The following PAXIP1 variants were observed in gnomAD, a reference collection of about 807,000 sequenced individuals.
The protein encoded by PAXIP1 is PAX interacting protein 1.
Under a neutral mutation model 140.6 loss-of-function variants are expected in PAXIP1, and 19 were observed. The observed-to-expected ratio is 0.14, with a 90% CI of 0.09 to 0.20. The LOEUF (loss-of-function observed/expected upper bound fraction) is 0.20, where lower values mean the gene tolerates loss of function less well. PAXIP1 is among the 10% of genes least tolerant of loss of function. The pLI, the probability that PAXIP1 is intolerant of heterozygous loss-of-function variation, is 1.00. For missense variants in PAXIP1, 920 were observed against 1,208.6 expected (o/e 0.76, Z 3.54); for synonymous variants, 442 against 444.6 (o/e 0.99, Z 0.07).
At position 154,986,265 on chromosome 7, in the gene PAXIP1, T is replaced by C. The variant is rs1810065127; in HGVS notation, c.325-2933A>G. 1.1e-6 allele frequency: 1 copy of C among 934,238 alleles called. No individual in the cohort carries two copies. The highest frequency in any genetic ancestry group is 1.5e-6 in the Non-Finnish European group (1 of 688,720). 57.9% of individuals were successfully genotyped at this position (934,238 alleles called of 1,614,324 possible). ...TGGGGTCCTGCCTGGCGTGTGCATG[T>C]GAGTGTGTGTGCGCATGGGTGCTCC... On this transcript the variant is annotated intron_variant, in intron 4 of 20. Transcript: ENST00000404141. The surrounding 1 kb of genome is among the most constrained non-coding windows in gnomAD (Gnocchi z 4.8).
At position 154,973,696 on chromosome 7, in the gene PAXIP1, A is replaced by C. The variant is rs1325283982; in HGVS notation, c.1074+2000T>G. Reference sequence around the variant, plus strand: ...AGCATTTCTAAACACTACGTAAACCACTGCTATTATCATACCCAATAAAAT... The same window carrying C: ...AGCATTTCTAAACACTACGTAAACCCCTGCTATTATCATACCCAATAAAAT... On this transcript the variant is annotated intron_variant, in intron 6 of 20. Coordinates refer to ENST00000404141, the MANE Select transcript of PAXIP1 (RefSeq NM_007349.4). This position sits in a 1 kb window ranked among gnomAD's most constrained non-coding sequence, Gnocchi z 4.0. 6.6e-6 allele frequency among the ~76,000 whole-genome samples: 1 copy of C among 152,136 alleles called. No homozygotes were observed. Among genetic ancestry groups the C allele is most frequent in the Non-Finnish European group, 1.5e-5 (1 of 68,030 alleles).
rs1282457251 is a variant in PAXIP1, at chr7:154,991,019, G to A, written c.311C>T (p.Ala104Val). The A allele has an allele frequency of 3.9e-6, 6 of 1,550,840 alleles. No homozygotes were observed. The highest frequency in any genetic ancestry group is 4.4e-6 in the Non-Finnish European group (5 of 1,144,474). ...AACCATGCTTACCTGAGAAAGGCAG[G>A]CAGTGATTCCAAAAAAAATCTGACA... Reference protein sequence around the residue: ...ESCQIFFGITACLSQVSSEDR... With the variant: ...ESCQIFFGITVCLSQVSSEDR... The change falls in exon 4 of 21, where the codon GCC becomes GTC. Residue 104 changes from alanine to valine, a missense_variant. Around this residue, in one of 5 missense-constraint regions of PAXIP1, gnomAD observed 419 missense variants for 514.7 expected, o/e 0.81. Transcript: ENST00000404141.
chr7:154,961,189 G>C, intron 11 of PAXIP1, 112 bp from the exon 12 acceptor site: 1 of 860,448 alleles, frequency 1.2e-6, no homozygotes, highest in African/African-American at 1.7e-5. Context: ...TAATAGAAGT[G>C]GGAGGCATAT....
Position 154,997,358 on chromosome 7 carries a change from T to A in PAXIP1, c.216+1292A>T, listed in dbSNP as rs1488803262. 2.6e-5 allele frequency among the ~76,000 whole-genome samples: 4 copies of A among 152,188 alleles called. No individual in the cohort carries two copies. In the East Asian group the frequency reaches 7.7e-4, roughly 29 times the overall value. ...GCCTTGAACTCCTGGCCTCAAACAA[T>A]CCTTCCACCTCAGCCTCCTAAGTAG... On this transcript the variant is annotated intron_variant, in intron 2 of 20. Transcript: ENST00000404141.
chr7:154,991,692 T>TA (rs1349312658), intron 3 of PAXIP1, among the ~76,000 whole-genome samples: 2 of 152,224 alleles, frequency 1.3e-5, no homozygotes, highest in Non-Finnish European at 2.9e-5. Flanking sequence ...AATGAGCACT[T>TA]ACTACACATC....
chr7:154,947,322 C>T (rs1169344502), intron 17 of PAXIP1: 4 of 155,354 alleles, frequency 2.6e-5, no homozygotes, highest in African/African-American at 9.6e-5. Flanking sequence ...ACTATTCTGT[C>T]TGAAACTGCA....
intron 1 of PAXIP1, 72 bp downstream of exon 1, chr7:155,002,777 G>A (rs1040618764): frequency 1.5e-5 from 11 of 740,614 alleles, no homozygotes; most frequent in Non-Finnish European, 1.5e-5. Context: ...CAGGAGCGGG[G>A]ACGGGGACGG....
Position 154,963,852 on chromosome 7 carries a change from ACT to A in PAXIP1, c.1894-88_1894-87del, listed in dbSNP as rs1808878251. ...TTTCAAATAAGGCAGCTATTAAAAG[ACT>A]CTATCATATATTTATATCATGTATT... On this transcript the variant is annotated intron_variant, in intron 8 of 20. Coordinates refer to ENST00000404141, the MANE Select transcript of PAXIP1 (RefSeq NM_007349.4). This position sits in a 1 kb window ranked among gnomAD's most constrained non-coding sequence, Gnocchi z 4.1. The A allele has an allele frequency of 1.2e-5, 10 of 828,676 alleles. No homozygotes were observed. The highest frequency in any genetic ancestry group is 4.4e-5 in the South Asian group (3 of 68,962). 51.3% of individuals were successfully genotyped at this position (828,676 alleles called of 1,614,324 possible). A position where few individuals can be genotyped will look rare whatever the true frequency, so the allele number is the denominator to read the frequency against.
At position 154,956,143 on chromosome 7, in the gene PAXIP1, A is replaced by C. The variant is rs1004239066; in HGVS notation, c.2550-512T>G. 6.6e-6 allele frequency among the ~76,000 whole-genome samples: 1 copy of C among 152,214 alleles called. No homozygotes were observed. The highest frequency in any genetic ancestry group is 1.5e-5 in the Non-Finnish European group (1 of 68,036). ...CTAGCCCTCTTCAACCACAAATTAT[A>C]AAAACGTGGCTCTGCTCAAGCACAC... On this transcript the variant is annotated intron_variant, in intron 14 of 20. Transcript: ENST00000404141. This position sits in a 1 kb window ranked among gnomAD's most constrained non-coding sequence, Gnocchi z 4.2.
Position 155,003,023 on chromosome 7 carries a change from G to A in PAXIP1, c.-94C>T, listed in dbSNP as rs867132526. 0.036 allele frequency: 10,865 copies of A among 299,082 alleles called. 682 individuals are homozygous for A. Among genetic ancestry groups the A allele is most frequent in the African/African-American group, 0.3 (7,205 of 23,898 alleles). The allele number at this position is 299,082 out of a possible 1,614,324, so 18.5% of individuals were successfully genotyped here. ...GGCGCCCGGCGCCCCCACTCGCCCC[G>A]CCAACGGCCCTGCCCGCGCAGCCCG... On this transcript the variant is annotated 5_prime_UTR_variant, in exon 1 of 21. Coordinates refer to ENST00000404141, the MANE Select transcript of PAXIP1 (RefSeq NM_007349.4).
In PAXIP1 at chr7:154,976,344, C is replaced by G; in HGVS notation, c.439-13G>C. 1 of 1,547,162 alleles carries G rather than the reference C, an allele frequency of 6.5e-7. No homozygotes were observed. The highest frequency in any genetic ancestry group is 1.7e-4 in the Middle Eastern group (1 of 5,726). On this transcript the variant is annotated splice_polypyrimidine_tract_variant and intron_variant, in intron 5 of 20. Transcript: ENST00000404141. Reference sequence around the variant, plus strand: ...ATTCGTATTTCTCCTACGAGGAAAGCAGAAACACACACAAAACAAAGCTGT... The same window carrying G: ...ATTCGTATTTCTCCTACGAGGAAAGGAGAAACACACACAAAACAAAGCTGT...
chr7:154,946,069 T>C lies in PAXIP1; in HGVS notation c.3194+296A>G. ...AAGAAACATATATTTATTTTTGCAATTATTTTCTATTTTATCTAATTGTCA... is the reference window on the plus strand; with the variant it reads ...AAGAAACATATATTTATTTTTGCAACTATTTTCTATTTTATCTAATTGTCA... On this transcript the variant is annotated intron_variant, in intron 20 of 20. Coordinates refer to ENST00000404141, the MANE Select transcript of PAXIP1 (RefSeq NM_007349.4). The surrounding 1 kb of genome is among the most constrained non-coding windows in gnomAD (Gnocchi z 4.9). The C allele has an allele frequency of 1.0e-6, 1 of 977,338 alleles. No individual in the cohort carries two copies. The highest frequency in any genetic ancestry group is 1.2e-6 in the Non-Finnish European group (1 of 822,520). 60.5% of individuals were successfully genotyped at this position (977,338 alleles called of 1,614,324 possible).
intron 2 of PAXIP1, among the ~76,000 whole-genome samples, chr7:154,994,404 C>T (rs1467697493): frequency 6.6e-6 from 1 of 151,782 alleles, no homozygotes; most frequent in Non-Finnish European, 1.5e-5. Context: ...GTAGTAATGC[C>T]CCCATTACTA....
intron 16 of PAXIP1, chr7:154,951,627 AT>A (rs1301184667): frequency 1.1e-5 from 1 of 92,158 alleles, no homozygotes; most frequent in Non-Finnish European, 2.7e-5. Flanking sequence ...GCAAATACTT[AT>A]TAACAGTGCC....
At chr7:154,955,487 G>A in intron 15 of PAXIP1, 42 bp downstream of exon 15, 1 of 1,156,832 alleles carries the variant, frequency 8.6e-7, no homozygotes, top group East Asian at 2.4e-5. Context: ...TACAAAAAAG[G>A]ACACTGCTAA....
rs1563385502 is a variant in PAXIP1, at chr7:154,986,736, G to T, written c.325-3404C>A. ...TTGAACAATCTTTCTCAACTTAAAA[G>T]AAATGCTTTTATTTTACCCCATGAC... On this transcript the variant is annotated intron_variant, in intron 4 of 20. Transcript: ENST00000404141. This position sits in a 1 kb window ranked among gnomAD's most constrained non-coding sequence, Gnocchi z 4.8. Among the ~76,000 whole-genome samples, 2 of 152,138 alleles carry T rather than the reference G, an allele frequency of 1.3e-5. No homozygotes were observed.
intron 8 of PAXIP1, among the ~76,000 whole-genome samples, chr7:154,966,032 A>G (rs958025956): frequency 2.0e-5 from 3 of 152,148 alleles, no homozygotes; most frequent in Non-Finnish European, 4.4e-5. Context: ...ACTCTCTTTC[A>G]ATCTCTGAGT....
Position 154,962,434 on chromosome 7 carries a change from C to T in PAXIP1, c.2014G>A (p.Val672Ile). ...ACTGTGTTTAACCAGTGTGCAGTAACACATCTCTTTCTTTCTCTTATTGCC... is the reference window on the plus strand; with the variant it reads ...ACTGTGTTTAACCAGTGTGCAGTAATACATCTCTTTCTTTCTCTTATTGCC... Reference protein sequence around the residue: ...AQAIRERKRCVTAHWLNTVLK... With the variant: ...AQAIRERKRCITAHWLNTVLK... Residue 672 changes from valine to isoleucine, a missense_variant, in exon 10 of 21, where the codon GTT (valine) becomes ATT (isoleucine). Around this residue, in one of 5 missense-constraint regions of PAXIP1, gnomAD observed 303 missense variants for 517.9 expected, o/e 0.59. Transcript: ENST00000404141. The T allele has an allele frequency of 1.2e-6, 2 of 1,613,486 alleles. No individual in the cohort carries two copies. Among genetic ancestry groups the T allele is most frequent in the Non-Finnish European group, 1.7e-6 (2 of 1,179,510 alleles).
At position 154,975,858 on chromosome 7, in the gene PAXIP1, C is replaced by G; in HGVS notation, c.912G>C (p.Leu304Phe). Residue 304 changes from leucine to phenylalanine, a missense_variant, in exon 6 of 21, where the codon TTG becomes TTC. By Grantham distance (22) the Leu-to-Phe change is conservative (BLOSUM62 0). Transcript: ENST00000404141. The stretch of plus-strand genomic sequence containing the variant: ...TTAAATTACCCCGGACCTCAGGGGG[C>G]AAAATGTTACCTGGGACGGGTGGGA... ...ANVPPVPGNI[L>F]PPEVRGNLMA... 2.5e-6 allele frequency: 4 copies of G among 1,613,898 alleles called. No homozygotes were observed. The highest frequency in any genetic ancestry group is 2.5e-6 in the Non-Finnish European group (3 of 1,179,852).
Sources: allele counts gnomAD v4.1 joint callset (sites outside exome capture counted in the v4.1 genomes callset), GRCh38; gene constraint gnomAD v4.1.1; regional missense constraint gnomAD v4.1.1; non-coding constraint Gnocchi (gnomAD v3.1); transcripts MANE v1.5; gene names NCBI Gene and HGNC (gene_info 2026-07-23, HGNC 2026-07-21).